The following TDRP variants were observed in gnomAD, a reference collection of about 807,000 sequenced individuals.
TDRP encodes testis development related protein, also known as testis development-related protein.
TDRP carries 12 observed loss-of-function variants against 10.5 expected under a neutral mutation model. That is an observed-to-expected ratio of 1.15 (90% confidence interval 0.73 to 1.86). TDRP has a LOEUF of 1.86. Ranked by LOEUF, TDRP falls within the 40% of genes most tolerant of loss-of-function variation. TDRP has a pLI of 0.00. For synonymous variants in TDRP, 139 were observed against 95.4 expected (o/e 1.46, Z -2.67); for missense variants, 353 against 229.2 (o/e 1.54, Z -3.49).
intron 1 of TDRP, among the ~76,000 whole-genome samples, chr8:540,702 G>A (rs1235019306): frequency 6.7e-6 from 1 of 148,368 alleles, no homozygotes; most frequent in African/African-American, 2.5e-5. Context: ...TTTCTAAAAT[G>A]TTAAAATTAT....
At chr8:500,052 A>G (rs1302334808) in intron 1 of TDRP, among the ~76,000 whole-genome samples, 1 of 152,228 alleles carries the variant, frequency 6.6e-6, no homozygotes, top group African/African-American at 2.4e-5. Context: ...GATTCAATTC[A>G]GAGAGAAAGT....
At position 492,395 on chromosome 8, in the gene TDRP, C is replaced by T. The variant is rs773231798; in HGVS notation, c.*4G>A. ...GTCGGGGCACACTTGCCACGCAGCC[C>T]CCCTCACTCCGCCTCCTCCGGGCTA... is the stretch of plus-strand genomic sequence containing the variant. On this transcript the variant is annotated 3_prime_UTR_variant, in exon 3 of 3. Coordinates refer to ENST00000324079, the MANE Select transcript of TDRP (RefSeq NM_001384899.1). 20 of 1,513,766 alleles carry T rather than the reference C, an allele frequency of 1.3e-5. No homozygotes were observed. Among genetic ancestry groups the T allele is most frequent in the Admixed American group, 2.1e-5 (1 of 47,720 alleles). 93.8% of individuals were successfully genotyped at this position (1,513,766 alleles called of 1,614,324 possible).
chr8:521,395 C>CAA (rs1359559443), intron 1 of TDRP, among the ~76,000 whole-genome samples: 2 of 99,058 alleles, frequency 2.0e-5, no homozygotes, highest in African/African-American at 6.0e-5. Context: ...CCAGCCTGGG[C>CAA]AAGAGAGAGA....
intron 1 of TDRP, among the ~76,000 whole-genome samples, chr8:504,257 G>A (rs367835060): frequency 1.6e-4 from 25 of 152,280 alleles, no homozygotes; most frequent in East Asian, 1.4e-3. Flanking sequence ...AAAAACAAAC[G>A]GAGGACTGGC....
chr8:493,023 C>G (rs1801024273), intron 2 of TDRP, among the ~76,000 whole-genome samples: 1 of 152,092 alleles, frequency 6.6e-6, no homozygotes, highest in Admixed American at 6.6e-5. Context: ...AAGAGAGAAC[C>G]TCAAGGCAAT....
chr8:543,270 G>A (rs529658833), intron 1 of TDRP, among the ~76,000 whole-genome samples: 24 of 152,206 alleles, frequency 1.6e-4, no homozygotes, highest in East Asian at 9.7e-4. Flanking sequence ...CCGAGATTGC[G>A]CCACTGCACT....
At chr8:502,589 T>A (rs1319447837) in intron 1 of TDRP, among the ~76,000 whole-genome samples, 1 of 152,092 alleles carries the variant, frequency 6.6e-6, no homozygotes, top group Non-Finnish European at 1.5e-5. Flanking sequence ...CAGTGGGACC[T>A]ACGCCTACCT....
intron 1 of TDRP, among the ~76,000 whole-genome samples, chr8:543,119 A>T (rs1802542682): frequency 6.6e-6 from 1 of 152,102 alleles, no homozygotes; most frequent in South Asian, 2.1e-4. Context: ...ATCTGCCTGG[A>T]CAACATAGCA....
chr8:525,324 A>G (rs1016326057), intron 1 of TDRP, among the ~76,000 whole-genome samples: 5 of 152,212 alleles, frequency 3.3e-5, no homozygotes, highest in African/African-American at 1.2e-4. Flanking sequence ...GAATTCTTCA[A>G]TTTGAAAGAA....
At chr8:503,302 A>C (rs1236452227) in intron 1 of TDRP, among the ~76,000 whole-genome samples, 1 of 151,038 alleles carries the variant, frequency 6.6e-6, no homozygotes, top group Non-Finnish European at 1.5e-5. Context: ...GCACACGCCA[A>C]CATGGAATGC....
In TDRP at chr8:499,677, G is replaced by A. The variant is rs73671718; in HGVS notation, c.109-5080C>T. Among the ~76,000 whole-genome samples, 1,128 of 152,322 alleles carry A rather than the reference G, an allele frequency of 7.4e-3. 13 individuals carry two copies. The highest frequency in any genetic ancestry group is 0.026 in the African/African-American group (1,068 of 41,572). ...CCACTCCTCCACTCATCCACTATGC[G>A]GGCAGAAAGAATCCATCAAAACCAG... On this transcript the variant is annotated intron_variant, in intron 1 of 2. Coordinates refer to ENST00000324079, the MANE Select transcript of TDRP (RefSeq NM_001384899.1).
intron 1 of TDRP, among the ~76,000 whole-genome samples, chr8:542,064 G>C (rs1366730780): frequency 3.3e-5 from 5 of 152,140 alleles, no homozygotes; most frequent in African/African-American, 1.2e-4. Flanking sequence ...CCCAAACAGT[G>C]GAATACTATT....
intron 1 of TDRP, among the ~76,000 whole-genome samples, chr8:514,887 G>A (rs1229421422): frequency 6.6e-6 from 1 of 152,172 alleles, no homozygotes; most frequent in African/African-American, 2.4e-5. Flanking sequence ...CTTTCACGGG[G>A]AGGGCTACTT....
At chr8:536,566 T>G (rs1166242059) in intron 1 of TDRP, among the ~76,000 whole-genome samples, 1 of 152,218 alleles carries the variant, frequency 6.6e-6, no homozygotes, top group African/African-American at 2.4e-5. Context: ...TTGATACATA[T>G]TAATATCTTG....
chr8:513,405 T>C (rs1429901695), intron 1 of TDRP, among the ~76,000 whole-genome samples: 1 of 152,138 alleles, frequency 6.6e-6, no homozygotes, highest in African/African-American at 2.4e-5. Context: ...AAAAAAATTA[T>C]ATAAGCATCT....
chr8:536,077 G>C (rs1420370534), intron 1 of TDRP, among the ~76,000 whole-genome samples: 1 of 152,128 alleles, frequency 6.6e-6, no homozygotes, highest in Non-Finnish European at 1.5e-5. Context: ...TAAACTCTCA[G>C]GAATAAAAAT....
intron 1 of TDRP, among the ~76,000 whole-genome samples, chr8:497,842 C>G (rs889306652): frequency 1.3e-5 from 2 of 152,188 alleles, no homozygotes; most frequent in Admixed American, 6.5e-5. Context: ...TGTGTCCCAG[C>G]CGCTCCACCT....
chr8:532,730 T>C (rs1802239637), intron 1 of TDRP, among the ~76,000 whole-genome samples: 1 of 152,206 alleles, frequency 6.6e-6, no homozygotes, highest in African/African-American at 2.4e-5. Flanking sequence ...CAAACTCTAA[T>C]AAGTTACCTT....
chr8:526,711 G>C (rs1054080724), intron 1 of TDRP, among the ~76,000 whole-genome samples: 1 of 152,132 alleles, frequency 6.6e-6, no homozygotes, highest in Non-Finnish European at 1.5e-5. Context: ...TACTAGCCTT[G>C]TAGAATAGCT....
Sources: allele counts gnomAD v4.1 joint callset (sites outside exome capture counted in the v4.1 genomes callset), GRCh38; gene constraint gnomAD v4.1.1; transcripts MANE v1.5; gene names NCBI Gene and HGNC (gene_info 2026-07-23, HGNC 2026-07-21).